Variants in BCL11A observed in about 807,000 individuals in gnomAD.
The protein encoded by BCL11A is BCL11 transcription factor A.
A neutral mutation model predicts 55.9 loss-of-function variants in BCL11A; 2 were observed. That is an observed-to-expected ratio of 0.04 (90% CI 0.01 to 0.11). The LOEUF (loss-of-function observed/expected upper bound fraction) is 0.11. Among genes scored for constraint, BCL11A ranks in the 10% least tolerant of loss-of-function variants. The pLI is 1.00. For synonymous variants in BCL11A, 465 were observed against 473.4 expected (o/e 0.98, Z 0.23); for missense variants, 817 against 1,137.1 (o/e 0.72, Z 4.05).
chr2:60,551,880 C>A (rs1382457674), intron 1 of BCL11A, among the ~76,000 whole-genome samples: 1 of 151,524 alleles, frequency 6.6e-6, no homozygotes, highest in Non-Finnish European at 1.5e-5. Flanking sequence ...CCGGGGCTGC[C>A]GCGCCGCGCT....
At chr2:60,529,068 A>C (rs1573064573) in intron 2 of BCL11A, among the ~76,000 whole-genome samples, 1 of 151,780 alleles carries the variant, frequency 6.6e-6, no homozygotes, top group Admixed American at 6.6e-5. Flanking sequence ...GGGAGAGGGG[A>C]CTCCCACCCA....
chr2:60,521,720 G>A (rs936880227), intron 2 of BCL11A, among the ~76,000 whole-genome samples: 3 of 152,112 alleles, frequency 2.0e-5, no homozygotes, highest in African/African-American at 7.2e-5. Context: ...CTAATAGCCA[G>A]GGCTCAAATG....
chr2:60,507,232 AAGGG>A (rs1558652604), intron 2 of BCL11A, among the ~76,000 whole-genome samples: 126 of 52,974 alleles, frequency 2.4e-3, no homozygotes, highest in Non-Finnish European at 3.8e-3. Flanking sequence ...GGAAGGAAGG[AAGGG>A]AGGGAGGGAG....
chr2:60,490,094 T>C (rs902324511), intron 2 of BCL11A, among the ~76,000 whole-genome samples: 3 of 152,188 alleles, frequency 2.0e-5, no homozygotes, highest in Non-Finnish European at 4.4e-5. Context: ...CAGTCCTCTA[T>C]ATTAGTAACA....
In BCL11A at chr2:60,553,295, C is replaced by T. The variant is rs1217039250; in HGVS notation, c.-25G>A. On this transcript the variant is annotated 5_prime_UTR_variant, in exon 1 of 4. Transcript: ENST00000642384. ...TGGTGGGCTGCGGGGCGGGCGGCGG[C>T]GGCGGCGGCGGCGGCGGCGGGCGGA... 1.3e-6 allele frequency: 2 copies of T among 1,523,972 alleles called. No homozygotes were observed. Among genetic ancestry groups the T allele is most frequent in the East Asian group, 2.4e-5 (1 of 41,636 alleles). 94.4% of individuals were successfully genotyped at this position (1,523,972 alleles called of 1,614,324 possible). A position where few individuals can be genotyped will look rare whatever the true frequency, so the allele number is the denominator to read the frequency against.
chr2:60,452,382 ACT>A, downstream of BCL11A: 1 of 527,314 alleles, frequency 1.9e-6, no homozygotes, highest in Non-Finnish European at 3.4e-6. Context: ...TTTTGTTTTT[ACT>A]TTTTATTAAA....
chr2:60,515,467 G>A (rs896380215), intron 2 of BCL11A, among the ~76,000 whole-genome samples: 1 of 152,178 alleles, frequency 6.6e-6, no homozygotes, highest in South Asian at 2.1e-4. Context: ...ATTTGAGGAG[G>A]AGAAAATACA....
At chr2:60,491,688 A>T (rs1157694460) in intron 2 of BCL11A, among the ~76,000 whole-genome samples, 1 of 121,118 alleles carries the variant, frequency 8.3e-6, no homozygotes, top group Non-Finnish European at 1.8e-5. Context: ...AAAAGAAAAA[A>T]GAAAAAAAAA....
chr2:60,477,469 G>C (rs1336692828), intron 2 of BCL11A, among the ~76,000 whole-genome samples: 1 of 152,190 alleles, frequency 6.6e-6, no homozygotes, highest in African/African-American at 2.4e-5. Flanking sequence ...GGGGCAAGGG[G>C]AGGGATAGCA....
rs1676113372 is a variant in BCL11A at position 60,459,504 on chromosome 2, T to C, written c.*900A>G. On this transcript the variant is annotated 3_prime_UTR_variant, in exon 4 of 4. Coordinates refer to ENST00000642384, the MANE Select transcript of BCL11A (RefSeq NM_022893.4). ...TTATAAAATTAAACTAAAGGAAAAA[T>C]GATGATTAACTAGGACATAATGGGT... 2.0e-6 allele frequency: 2 copies of C among 1,022,180 alleles called. No individual in the cohort carries two copies. Among genetic ancestry groups the C allele is most frequent in the Non-Finnish European group, 1.2e-6 (1 of 851,472 alleles). 63.3% of individuals were successfully genotyped at this position (1,022,180 alleles called of 1,614,324 possible). A position where few individuals can be genotyped will look rare whatever the true frequency, so the allele number is the denominator to read the frequency against.
chr2:60,486,572 C>T (rs112171109), intron 2 of BCL11A, among the ~76,000 whole-genome samples: 83 of 152,292 alleles, frequency 5.5e-4, no homozygotes, highest in African/African-American at 1.9e-3. Flanking sequence ...AGACCACAGC[C>T]CTGTGATGGA....
rs761442546 is a variant in BCL11A at position 60,553,207 on chromosome 2, G to T, written c.55+9C>A. The T allele has an allele frequency of 6.2e-6, 10 of 1,600,268 alleles. No homozygotes were observed. The highest frequency in any genetic ancestry group is 8.5e-6 in the Non-Finnish European group (10 of 1,175,330). ...TAATAATTATTATTACTATTATTGG[G>T]TTACTTACGCGAGAATTCCCGTTTG... On this transcript the variant is annotated intron_variant, in intron 1 of 3. Coordinates refer to ENST00000642384, the MANE Select transcript of BCL11A (RefSeq NM_022893.4).
At chr2:60,479,124 T>C (rs45445891) in intron 2 of BCL11A, among the ~76,000 whole-genome samples, 1 of 152,232 alleles carries the variant, frequency 6.6e-6, no homozygotes, top group South Asian at 2.1e-4. Context: ...CCATGGGGTG[T>C]GGCACTGCCG....
intron 2 of BCL11A, among the ~76,000 whole-genome samples, chr2:60,478,766 G>GAGGCCAGGCCTCCTCCCAT (rs1272165411): frequency 6.6e-6 from 1 of 152,210 alleles, no homozygotes; most frequent in South Asian, 2.1e-4. Context: ...CTGGTGCTGC[G>GAGGCCAGGCCTCCTCCCAT]AGGCCAGGCC....
At chr2:60,479,296 C>T (rs1022896311) in intron 2 of BCL11A, among the ~76,000 whole-genome samples, 6 of 152,242 alleles carry the variant, frequency 3.9e-5, no homozygotes, top group Admixed American at 1.3e-4. Context: ...CTGGCCTCTG[C>T]GGGCACAGCG....
intron 2 of BCL11A, among the ~76,000 whole-genome samples, chr2:60,474,547 A>T (rs1572975994): frequency 6.6e-6 from 1 of 152,266 alleles, no homozygotes; most frequent in East Asian, 1.9e-4. Context: ...CGTGAATTAG[A>T]TAAATTTTTA....
chr2:60,452,607 A>G (rs774666438), downstream of BCL11A: 4 of 1,614,062 alleles, frequency 2.5e-6, no homozygotes, highest in East Asian at 8.9e-5. Flanking sequence ...CTTCCATCCG[A>G]AAACTGCCAC....
chr2:60,517,815 T>G (rs568838118), intron 2 of BCL11A, among the ~76,000 whole-genome samples: 1 of 152,364 alleles, frequency 6.6e-6, no homozygotes, highest in Admixed American at 6.5e-5. Flanking sequence ...CACAAGTCTA[T>G]GTCTACATAG....
intron 2 of BCL11A, among the ~76,000 whole-genome samples, chr2:60,494,171 C>T (rs866929981): frequency 6.6e-6 from 1 of 152,158 alleles, no homozygotes; most frequent in Non-Finnish European, 1.5e-5. Context: ...CACATTCTTA[C>T]GCCTAGGGCA....
Sources: allele counts gnomAD v4.1 joint callset (sites outside exome capture counted in the v4.1 genomes callset), GRCh38; gene constraint gnomAD v4.1.1; transcripts MANE v1.5; gene names NCBI Gene and HGNC (gene_info 2026-07-23, HGNC 2026-07-21).